DOK6: variants seen among roughly 807,000 people sequenced by gnomAD.
DOK6 encodes downstream of tyrosine kinase 6.
DOK6 carries 22 observed loss-of-function variants against 44.0 expected under a neutral mutation model. That is an observed-to-expected ratio of 0.50 (90% confidence interval 0.36 to 0.71). The LOEUF (loss-of-function observed/expected upper bound fraction) is 0.71. Among genes scored for constraint, DOK6 ranks in the 30% least tolerant of loss-of-function variants. The probability of loss-of-function intolerance (pLI) is 0.00; values close to 1 mark genes in which losing one functional copy is unlikely to be tolerated. For synonymous variants in DOK6, 166 were observed against 145.5 expected, an observed-to-expected ratio of 1.14 and a Z score of -1.01; for missense variants, 340 against 416.4, an observed-to-expected ratio of 0.82 and a Z score of 1.60.
At chr18:69,827,942 T>C (rs11877347) in intron 7 of DOK6, among the ~76,000 whole-genome samples, 6,686 of 152,018 alleles carry the variant, frequency 0.044, 154 homozygotes, top group African/African-American at 0.047. Flanking sequence ...TTAAGAACTA[T>C]AAACTTACAT....
chr18:69,725,017 GT>G (rs749313758), intron 5 of DOK6: 10 of 152,128 alleles, frequency 6.6e-5, no homozygotes, highest in Non-Finnish European at 1.3e-4. Flanking sequence ...AACTCTTTCT[GT>G]ATAAATACTT....
intron 1 of DOK6, among the ~76,000 whole-genome samples, chr18:69,447,402 C>G (rs1313200304): frequency 2.0e-5 from 3 of 151,982 alleles, no homozygotes; most frequent in African/African-American, 7.3e-5. Context: ...CTGTTCTGTT[C>G]CATTGGTCTA....
intron 5 of DOK6, among the ~76,000 whole-genome samples, chr18:69,713,042 C>T (rs1986804402): frequency 6.6e-6 from 1 of 152,012 alleles, no homozygotes; most frequent in Non-Finnish European, 1.5e-5. Context: ...TTTTGCATGC[C>T]AGATTATCTA....
intron 5 of DOK6, among the ~76,000 whole-genome samples, chr18:69,704,672 G>A (rs1032891720): frequency 1.3e-5 from 2 of 151,866 alleles, no homozygotes; most frequent in African/African-American, 4.8e-5. Flanking sequence ...CTAGAGACGG[G>A]GTTTCACCGT....
At chr18:69,631,696 A>G (rs1284855170) in intron 3 of DOK6, among the ~76,000 whole-genome samples, 1 of 152,208 alleles carries the variant, frequency 6.6e-6, no homozygotes, top group Admixed American at 6.5e-5. Context: ...TAGACGTTTG[A>G]TACCGTGAAT....
At chr18:69,609,068 GA>G (rs1192318081) in intron 3 of DOK6, among the ~76,000 whole-genome samples, 1 of 151,960 alleles carries the variant, frequency 6.6e-6, no homozygotes, top group African/African-American at 2.4e-5. Context: ...AAACTTAGGG[GA>G]AAACTTTTGT....
chr18:69,810,269 G>T (rs1017150147), intron 7 of DOK6, among the ~76,000 whole-genome samples: 3 of 151,922 alleles, frequency 2.0e-5, no homozygotes, highest in African/African-American at 7.2e-5. Context: ...ACATGCAGAA[G>T]AATGAATTCA....
chr18:69,606,619 T>C (rs1984001700), intron 3 of DOK6, among the ~76,000 whole-genome samples: 1 of 151,990 alleles, frequency 6.6e-6, no homozygotes, highest in Admixed American at 6.6e-5. Context: ...GCAGATGACA[T>C]GATCCTACAT....
chr18:69,763,941 T>TCCTCCATG (rs1282344399), intron 7 of DOK6, among the ~76,000 whole-genome samples: 7 of 152,212 alleles, frequency 4.6e-5, no homozygotes, highest in African/African-American at 1.4e-4. Context: ...GACCACATCC[T>TCCTCCATG]CCTCCATGAG....
At chr18:69,667,282 G>C (rs1205117112) in intron 3 of DOK6, among the ~76,000 whole-genome samples, 1 of 152,110 alleles carries the variant, frequency 6.6e-6, no homozygotes, top group African/African-American at 2.4e-5. Flanking sequence ...TATTGTGCCA[G>C]ATATTTCTCT....
chr18:69,586,141 T>C (rs1223797661), intron 2 of DOK6, among the ~76,000 whole-genome samples: 1 of 152,232 alleles, frequency 6.6e-6, no homozygotes, highest in Non-Finnish European at 1.5e-5. Context: ...CCTGTTTTGA[T>C]TCCAGAAATG....
intron 2 of DOK6, among the ~76,000 whole-genome samples, chr18:69,579,520 A>C (rs1983314060): frequency 6.6e-6 from 1 of 151,960 alleles, no homozygotes. Context: ...TCCTAGTCCT[A>C]AAGCTGGTTT....
intron 1 of DOK6, among the ~76,000 whole-genome samples, chr18:69,460,064 C>G (rs1450876866): frequency 6.6e-6 from 1 of 152,118 alleles, no homozygotes; most frequent in Non-Finnish European, 1.5e-5. Flanking sequence ...TTTAAGCTGA[C>G]TTCTGGGCCC....
rs1490169834 is a variant in DOK6, at chr18:69,482,081, T to C, written c.66+80771T>C. Among the ~76,000 whole-genome samples the C allele has an allele frequency of 2.0e-5, 3 of 152,218 alleles. No homozygotes were observed. In the South Asian group the frequency reaches 6.2e-4, roughly 31 times the overall value. Reference sequence around the variant, plus strand: ...TTTTTGATGGGGTTGTTTGTTTTTTTCTTGTAAATTTGTTTGAGTTCATTT... The same window carrying C: ...TTTTTGATGGGGTTGTTTGTTTTTTCCTTGTAAATTTGTTTGAGTTCATTT... On this transcript the variant is annotated intron_variant, in intron 1 of 7. Transcript: ENST00000382713.
At chr18:69,715,835 C>A (rs760695549) in intron 5 of DOK6, among the ~76,000 whole-genome samples, 2 of 152,154 alleles carry the variant, frequency 1.3e-5, no homozygotes, top group African/African-American at 4.8e-5. Context: ...TACTGGTTCA[C>A]TTAGCGATTT....
intron 5 of DOK6, among the ~76,000 whole-genome samples, chr18:69,730,837 T>A (rs1187020366): frequency 6.6e-6 from 1 of 152,178 alleles, no homozygotes; most frequent in Non-Finnish European, 1.5e-5. Flanking sequence ...CAGGATGTGA[T>A]GGCTAACACC....
chr18:69,621,045 GA>G (rs1984428181), intron 3 of DOK6, among the ~76,000 whole-genome samples: 1 of 151,012 alleles, frequency 6.6e-6, no homozygotes, highest in South Asian at 2.1e-4. Flanking sequence ...ATATCTACTT[GA>G]ATGCATTCTG....
At chr18:69,618,433 A>G (rs1599225033) in intron 3 of DOK6, 1 of 153,814 alleles carries the variant, frequency 6.5e-6, no homozygotes, top group Non-Finnish European at 1.4e-5. Context: ...AGAAGAGTGG[A>G]AACAGCTAAG....
At position 69,842,518 on chromosome 18, in the gene DOK6, T is replaced by C. The variant is rs1982254276; in HGVS notation, c.*1135T>C. ...AATGGGTACAGGATTGTGGATATCATAGATGCTGTTCTCACACAACCACTG... is the reference window on the plus strand; with the variant it reads ...AATGGGTACAGGATTGTGGATATCACAGATGCTGTTCTCACACAACCACTG... On this transcript the variant is annotated 3_prime_UTR_variant, in exon 8 of 8. Transcript: ENST00000382713. The C allele has an allele frequency of 1.3e-5, 2 of 152,038 alleles. No individual in the cohort carries two copies. 9.4% of individuals were successfully genotyped at this position (152,038 alleles called of 1,614,324 possible).
Sources: allele counts gnomAD v4.1 joint callset (sites outside exome capture counted in the v4.1 genomes callset), GRCh38; gene constraint gnomAD v4.1.1; transcripts MANE v1.5; gene names NCBI Gene and HGNC (gene_info 2026-07-23, HGNC 2026-07-21).